PSMA8: variants seen among roughly 807,000 people sequenced by gnomAD.
PSMA8 encodes the protein proteasome 20S subunit alpha 8.
PSMA8 carries 18 observed loss-of-function variants against 32.4 expected under a neutral mutation model. That is an observed-to-expected ratio of 0.56 (90% CI 0.38 to 0.82). The LOEUF (loss-of-function observed/expected upper bound fraction) is 0.82, where lower values mean the gene tolerates loss of function less well. PSMA8 is among the 40% of genes least tolerant of loss of function. The pLI is 0.00. For missense variants in PSMA8, 298 were observed against 300.7 expected, an observed-to-expected ratio of 0.99 and a Z score of 0.07; for synonymous variants, 104 against 98.1, an observed-to-expected ratio of 1.06 and a Z score of -0.36.
intron 1 of PSMA8, among the ~76,000 whole-genome samples, chr18:26,141,031 T>C (rs2054951745): frequency 6.6e-6 from 1 of 152,192 alleles, no homozygotes; most frequent in Admixed American, 6.5e-5. Context: ...CTTGTATGTA[T>C]TTCTTTCACT....
intron 3 of PSMA8, among the ~76,000 whole-genome samples, chr18:26,154,568 A>G (rs1290599033): frequency 6.6e-6 from 1 of 151,942 alleles, no homozygotes; most frequent in Non-Finnish European, 1.5e-5. Flanking sequence ...CAGAAGATCG[A>G]TATCTCATAT....
intron 4 of PSMA8, among the ~76,000 whole-genome samples, chr18:26,178,483 C>T (rs1018471866): frequency 3.3e-5 from 5 of 151,984 alleles, no homozygotes; most frequent in African/African-American, 4.8e-5. Context: ...CCTGTAGTCC[C>T]AGCTACTCAG....
intron 1 of PSMA8, among the ~76,000 whole-genome samples, chr18:26,134,950 G>A (rs1023526739): frequency 1.4e-4 from 21 of 147,788 alleles, no homozygotes; most frequent in African/African-American, 4.1e-4. Flanking sequence ...GCGAAACTCC[G>A]TCTCGGGAAA....
chr18:26,147,759 A>G (rs1162154501), intron 2 of PSMA8, among the ~76,000 whole-genome samples: 1 of 152,184 alleles, frequency 6.6e-6, no homozygotes, highest in African/African-American at 2.4e-5. Context: ...AGAGAAAAAT[A>G]ACAAAACCAA....
chr18:26,145,252 G>T (rs182707052), intron 2 of PSMA8, among the ~76,000 whole-genome samples: 1 of 152,082 alleles, frequency 6.6e-6, no homozygotes. Flanking sequence ...CCGAGTAGCT[G>T]GGATTACAGG....
intron 4 of PSMA8, 50 bp from the exon 5 acceptor site, chr18:26,178,780 A>T: frequency 6.4e-7 from 1 of 1,551,320 alleles, no homozygotes; most frequent in Non-Finnish European, 8.8e-7. Context: ...AGTAACCATA[A>T]ATTCATTCCT....
At chr18:26,134,338 TGG>T (rs111925004) in intron 1 of PSMA8, among the ~76,000 whole-genome samples, 70 of 143,932 alleles carry the variant, frequency 4.9e-4, no homozygotes, top group African/African-American at 1.8e-3. Context: ...GGTGTGTGTG[TGG>T]GTGTGTGTGT....
Position 26,178,921 on chromosome 18 carries a change from T to C in PSMA8, c.569T>C (p.Ile190Thr). Residue 190 changes from isoleucine to threonine, a missense_variant, in exon 5 of 7, where the codon ATC becomes ACC. Coordinates refer to ENST00000415576, the MANE Select transcript of PSMA8 (RefSeq NM_001025096.2). ...EDAIASDSEA[I>T]KLAIKALLEV... ...GCCATAGCAAGTGACAGTGAAGCTA[T>C]CAAGTTAGCAATAAAAGCTTTGCTA... 1.9e-6 allele frequency: 3 copies of C among 1,613,492 alleles called. No homozygotes were observed. The highest frequency in any genetic ancestry group is 2.7e-5 in the African/African-American group (2 of 75,048).
At chr18:26,151,592 A>G (rs1223051727) in intron 2 of PSMA8, among the ~76,000 whole-genome samples, 1 of 152,252 alleles carries the variant, frequency 6.6e-6, no homozygotes, top group East Asian at 1.9e-4. Context: ...TTTCATAAGA[A>G]TAAATCAAGT....
chr18:26,180,844 A>C (rs1237568059), intron 6 of PSMA8, among the ~76,000 whole-genome samples: 1 of 152,228 alleles, frequency 6.6e-6, no homozygotes, highest in African/African-American at 2.4e-5. Context: ...AATAGAACAC[A>C]TGCTTTGGAG....
intron 4 of PSMA8, among the ~76,000 whole-genome samples, chr18:26,166,026 C>G (rs12966813): frequency 0.052 from 7,920 of 152,056 alleles, 228 homozygotes; most frequent in East Asian, 0.12. Context: ...TGCTTGAACC[C>G]AGGAGGCAGA....
intron 4 of PSMA8, among the ~76,000 whole-genome samples, chr18:26,158,513 A>G (rs1363595162): frequency 6.6e-6 from 1 of 152,206 alleles, no homozygotes; most frequent in Non-Finnish European, 1.5e-5. Context: ...CTATTTATTT[A>G]TTATTCCAAA....
intron 6 of PSMA8, among the ~76,000 whole-genome samples, chr18:26,192,026 G>A (rs779716389): frequency 2.0e-5 from 3 of 152,046 alleles, no homozygotes; most frequent in Non-Finnish European, 1.5e-5. Context: ...ATTAAGCCTC[G>A]CATTAAAATG....
At position 26,144,617 on chromosome 18, in the gene PSMA8, A is replaced by G; in HGVS notation, c.161A>G (p.Lys54Arg). The G allele has an allele frequency of 6.2e-7, 1 of 1,613,926 alleles. No homozygotes were observed. Among genetic ancestry groups the G allele is most frequent in the Non-Finnish European group, 8.5e-7 (1 of 1,179,850 alleles). The change falls in exon 2 of 7, where the codon AAG becomes AGG. Residue 54 changes from lysine (K) to arginine (R), a missense_variant. Physicochemically the swap from Lys to Arg is conservative, Grantham distance 26. Coordinates refer to ENST00000415576, the MANE Select transcript of PSMA8 (RefSeq NM_001025096.2). ...GGGGTAGAAAAAAAATCTGTTGCCAAGCTTCAAGATGAAAGAACTGTGAGG... is the reference window on the plus strand; with the variant it reads ...GGGGTAGAAAAAAAATCTGTTGCCAGGCTTCAAGATGAAAGAACTGTGAGG... ...VLGVEKKSVA[K>R]LQDERTVRKI...
chr18:26,167,361 T>C (rs889834590), intron 4 of PSMA8, among the ~76,000 whole-genome samples: 1 of 152,136 alleles, frequency 6.6e-6, no homozygotes, highest in African/African-American at 2.4e-5. Flanking sequence ...AGCCAGAGAG[T>C]AAATATATTT....
rs563053283 is a variant in PSMA8, at chr18:26,134,340, G to GGT, written c.102+296_102+297dup. Among the ~76,000 whole-genome samples, 414 of 135,184 alleles carry GGT rather than the reference G, an allele frequency of 3.1e-3. 1 individual carries two copies. Among genetic ancestry groups the GGT allele is most frequent in the South Asian group, 0.012 (52 of 4,430 alleles). 88.7% of individuals were successfully genotyped at this position (135,184 alleles called of 152,430 possible). On this transcript the variant is annotated intron_variant, in intron 1 of 6. Coordinates refer to ENST00000415576, the MANE Select transcript of PSMA8 (RefSeq NM_001025096.2). Reference sequence around the variant, plus strand: ...GACGCAAAACTAGGGTGTGTGTGTGGGTGTGTGTGTGTGTGTGTGTGTGTC... The same window carrying GGT: ...GACGCAAAACTAGGGTGTGTGTGTGGGTGTGTGTGTGTGTGTGTGTGTGTGTC...
Position 26,158,187 on chromosome 18 carries a change from T to C in PSMA8, c.420T>C (p.Asp140=), listed in dbSNP as rs1479306670. Residue 140 remains aspartate (D), a synonymous_variant, in exon 4 of 7, where the codon GAT becomes GAC. Transcript: ENST00000415576. ...GISALIVGFD[D]DGISRLYQTD... ...CTGCCTTAATTGTAGGTTTTGATGA[T>C]GATGGTATCTCAAGATTGTATCAGA... is the stretch of plus-strand genomic sequence containing the variant. 20 of 1,608,028 alleles carry C rather than the reference T, an allele frequency of 1.2e-5. No individual in the cohort carries two copies. The highest frequency in any genetic ancestry group is 4.0e-5 in the African/African-American group (3 of 74,796).
intron 6 of PSMA8, among the ~76,000 whole-genome samples, chr18:26,181,061 A>G (rs1013863574): frequency 6.6e-6 from 1 of 152,206 alleles, no homozygotes; most frequent in African/African-American, 2.4e-5. Flanking sequence ...GGTGTTTTAC[A>G]GATTGCAGGT....
intron 4 of PSMA8, among the ~76,000 whole-genome samples, chr18:26,166,536 G>T (rs1041856506): frequency 2.6e-5 from 4 of 152,088 alleles, no homozygotes; most frequent in African/African-American, 9.7e-5. Flanking sequence ...CTTGACTCAG[G>T]TATACATCTT....
Sources: allele counts gnomAD v4.1 joint callset (sites outside exome capture counted in the v4.1 genomes callset), GRCh38; gene constraint gnomAD v4.1.1; transcripts MANE v1.5; gene names NCBI Gene and HGNC (gene_info 2026-07-23, HGNC 2026-07-21).